FAM89A: variants seen among roughly 807,000 people sequenced by gnomAD.
FAM89A encodes protein FAM89A.
FAM89A carries 10 observed loss-of-function variants against 7.1 expected under a neutral mutation model. The observed-to-expected ratio is 1.40, with a 90% CI of 0.86 to 2.38. The LOEUF is 2.38. Among genes scored for constraint, FAM89A ranks in the 30% most tolerant of loss-of-function variants. The pLI is 0.00. For synonymous variants in FAM89A, 157 were observed against 129.3 expected (o/e 1.21, Z -1.45); for missense variants, 276 against 262.8 (o/e 1.05, Z -0.35).
chr1:231,028,013 C>T lies in FAM89A; in HGVS notation c.292-7887G>A, dbSNP rs1463682823. 2.0e-5 allele frequency among the ~76,000 whole-genome samples: 3 copies of T among 152,364 alleles called. 1 individual carries two copies. In the South Asian group the frequency reaches 6.2e-4, roughly 32 times the overall value. On this transcript the variant is annotated intron_variant, in intron 1 of 1. Coordinates refer to ENST00000366654, the MANE Select transcript of FAM89A (RefSeq NM_198552.3). ...TTTCCCTTTTGGATCTCTCAGCACC[C>T]AGCCCAGAAACTCAGAGCAGACAGG...
chr1:231,019,855 A>G lies in FAM89A; in HGVS notation c.*8T>C. 1 of 1,612,286 alleles carries G rather than the reference A, an allele frequency of 6.2e-7. No individual in the cohort carries two copies. The highest frequency in any genetic ancestry group is 8.5e-7 in the Non-Finnish European group (1 of 1,178,814). On this transcript the variant is annotated 3_prime_UTR_variant, in exon 2 of 2. Transcript: ENST00000366654. ...GCTTCCCAACAGTCACATCCCTCCCAAGACCCTCTAGATGGACTCCAGAAT... is the reference window on the plus strand; with the variant it reads ...GCTTCCCAACAGTCACATCCCTCCCGAGACCCTCTAGATGGACTCCAGAAT...
chr1:231,021,871 T>A (rs1274443057), intron 1 of FAM89A: 1 of 1,584,722 alleles, frequency 6.3e-7, no homozygotes, highest in Non-Finnish European at 8.7e-7. Flanking sequence ...CCCAGGACCA[T>A]GCTGACAGCT....
chr1:231,027,528 A>G (rs942048798), intron 1 of FAM89A, among the ~76,000 whole-genome samples: 1 of 152,160 alleles, frequency 6.6e-6, no homozygotes, highest in African/African-American at 2.4e-5. Flanking sequence ...ACCAGACTAA[A>G]CTTCCTGATT....
intron 1 of FAM89A, chr1:231,026,018 T>C (rs1359932005): frequency 6.5e-6 from 1 of 152,910 alleles, no homozygotes; most frequent in Admixed American, 6.6e-5. Flanking sequence ...TGGGTTCAGA[T>C]CTTGGCTCCG....
At position 231,040,058 on chromosome 1, in the gene FAM89A, G is replaced by A. The variant is rs1680234360; in HGVS notation, c.154C>T (p.Arg52Trp). 1.4e-6 allele frequency: 2 copies of A among 1,446,890 alleles called. No homozygotes were observed. Among genetic ancestry groups the A allele is most frequent in the Non-Finnish European group, 9.1e-7 (1 of 1,102,522 alleles). The allele number at this position is 1,446,890 out of a possible 1,614,324, so 89.6% of individuals were successfully genotyped here. The change falls in exon 1 of 2, where the codon CGG becomes TGG. Residue 52 changes from arginine to tryptophan, a missense_variant. By Grantham distance (101) the Arg-to-Trp change is moderately radical (BLOSUM62 -3). Transcript: ENST00000366654. ...ATGCGCGACTTCTGCGCGTACAGCCGCTCCAGGTGCCGCCAGCCCCCAGAC... is the reference window on the plus strand; with the variant it reads ...ATGCGCGACTTCTGCGCGTACAGCCACTCCAGGTGCCGCCAGCCCCCAGAC... ...GASGGWRHLERLYAQKSRIQD... is the reference protein window; with the variant it reads ...GASGGWRHLEWLYAQKSRIQD...
rs141662238 is a variant in FAM89A, at chr1:231,019,950, G to A, written c.468C>T (p.His156=). 25 of 1,614,172 alleles carry A rather than the reference G, an allele frequency of 1.5e-5. No individual in the cohort carries two copies. Among genetic ancestry groups the A allele is most frequent in the African/African-American group, 9.3e-5 (7 of 75,036 alleles). The change falls in exon 2 of 2, where the codon CAC becomes CAT. Residue 156 remains histidine (H), a synonymous_variant. Transcript: ENST00000366654. The stretch of plus-strand genomic sequence containing the variant: ...GAGGAGGGCCTCGGTCCCTCCTGTC[G>A]TGCAGGGAGTTCTGCTCCTGGAAAT... The part of the protein sequence containing the change: ...EEYFQEQNSL[H]DRRDRGPPRD...
chr1:231,028,505 C>G (rs1196040366), intron 1 of FAM89A: 1 of 152,146 alleles, frequency 6.6e-6, no homozygotes, highest in African/African-American at 2.4e-5. Context: ...AAGCCACTCT[C>G]CGAGCAGAAG....
At chr1:231,031,778 A>T (rs181224455) in intron 1 of FAM89A, among the ~76,000 whole-genome samples, 3 of 152,240 alleles carry the variant, frequency 2.0e-5, no homozygotes, top group Non-Finnish European at 2.9e-5. Flanking sequence ...CACTGTGAAC[A>T]TCTTTCTATA....
intron 1 of FAM89A, among the ~76,000 whole-genome samples, chr1:231,033,976 T>C (rs1680116624): frequency 6.6e-6 from 1 of 152,000 alleles, no homozygotes; most frequent in African/African-American, 2.4e-5. Flanking sequence ...CTTTTTTCAG[T>C]TTTTGCTTTT....
chr1:231,022,692 C>T (rs566984698), intron 1 of FAM89A, among the ~76,000 whole-genome samples: 1 of 152,146 alleles, frequency 6.6e-6, no homozygotes, highest in Non-Finnish European at 1.5e-5. Context: ...AGAGGTCACC[C>T]GTGATTCTGC....
intron 1 of FAM89A, chr1:231,021,633 G>T (rs1263304320): frequency 6.5e-7 from 1 of 1,546,936 alleles, no homozygotes; most frequent in African/African-American, 1.4e-5. Flanking sequence ...AAGCGTCGAG[G>T]TGGAGCAATA....
chr1:231,021,516 A>T (rs957282081), intron 1 of FAM89A: 1 of 696,734 alleles, frequency 1.4e-6, no homozygotes, highest in African/African-American at 1.8e-5. Flanking sequence ...GATTAACCAG[A>T]GGGCACGAAA....
rs1679833226 is a variant in FAM89A, at chr1:231,019,581, T to C, written c.*282A>G. The C allele has an allele frequency of 2.7e-6, 1 of 376,596 alleles. No individual in the cohort carries two copies. Among genetic ancestry groups the C allele is most frequent in the Non-Finnish European group, 4.8e-6 (1 of 206,568 alleles). The allele number at this position is 376,596 out of a possible 1,614,324, so 23.3% of individuals were successfully genotyped here. A position where few individuals can be genotyped will look rare whatever the true frequency, so the allele number is the denominator to read the frequency against. ...GCCTTTCACCGAGATCCTCTTGTTA[T>C]ATTCTCATTATGAATCCCCAGCAGG... On this transcript the variant is annotated 3_prime_UTR_variant, in exon 2 of 2. Coordinates refer to ENST00000366654, the MANE Select transcript of FAM89A (RefSeq NM_198552.3).
intron 1 of FAM89A, among the ~76,000 whole-genome samples, chr1:231,039,509 A>T (rs1036126008): frequency 6.6e-6 from 1 of 152,166 alleles, no homozygotes; most frequent in African/African-American, 2.4e-5. Flanking sequence ...TCGTGGTAGG[A>T]AAACGCAATC....
chr1:231,039,784 G>C, intron 1 of FAM89A, 137 bp downstream of exon 1: 1 of 877,420 alleles, frequency 1.1e-6, no homozygotes, highest in African/African-American at 1.7e-5. Context: ...TTGGGAGGAC[G>C]GCGCCGGCGC....
intron 1 of FAM89A, among the ~76,000 whole-genome samples, chr1:231,030,865 T>A (rs561965686): frequency 6.6e-6 from 1 of 152,306 alleles, no homozygotes; most frequent in African/African-American, 2.4e-5. Flanking sequence ...ATTCCAGCAC[T>A]GTGGGAGGAC....
chr1:231,025,718 G>A (rs1390897575), intron 1 of FAM89A, among the ~76,000 whole-genome samples: 1 of 151,698 alleles, frequency 6.6e-6, no homozygotes. Context: ...AAAAAAAGGA[G>A]AGACAGGGAA....
At chr1:231,021,886 G>A (rs1679885603) in intron 1 of FAM89A, 1 of 1,575,898 alleles carries the variant, frequency 6.3e-7, no homozygotes, top group African/African-American at 1.3e-5. Context: ...ACAGCTGCAT[G>A]GTGAGCAGTG....
chr1:231,033,930 T>C (rs1451650143), intron 1 of FAM89A, among the ~76,000 whole-genome samples: 1 of 152,086 alleles, frequency 6.6e-6, no homozygotes, highest in Non-Finnish European at 1.5e-5. Context: ...ACCAAAGACA[T>C]GGGCATGCTT....
Sources: allele counts gnomAD v4.1 joint callset (sites outside exome capture counted in the v4.1 genomes callset), GRCh38; gene constraint gnomAD v4.1.1; transcripts MANE v1.5; gene names NCBI Gene and HGNC (gene_info 2026-07-23, HGNC 2026-07-21).